COL4A3: variants seen among roughly 807,000 people sequenced by gnomAD.
COL4A3 encodes the protein collagen type IV alpha 3 chain.
COL4A3 carries 135 observed loss-of-function variants against 217.4 expected under a neutral mutation model. The ratio of observed to expected loss-of-function variants is 0.62; its 90% CI spans 0.54 to 0.72. The LOEUF is 0.72. Ranked by LOEUF, COL4A3 falls within the 30% of genes least tolerant of loss-of-function variation. COL4A3 has a pLI of 0.00. For missense variants in COL4A3, 1,868 were observed against 2,119.9 expected (o/e 0.88, Z 2.33); for synonymous variants, 690 against 736.3 (o/e 0.94, Z 1.02).
intron 1 of COL4A3, among the ~76,000 whole-genome samples, chr2:227,186,372 G>A (rs1423570955): frequency 6.6e-6 from 1 of 152,152 alleles, no homozygotes; most frequent in East Asian, 1.9e-4. Flanking sequence ...TGTCCCACTG[G>A]GAATTAAGGG....
chr2:227,307,806 G>A lies in COL4A3; in HGVS notation c.4349G>A (p.Arg1450Gln), dbSNP rs746450762. ...TWTTRGFVFTRHSQTTAIPSC... is the reference protein window; with the variant it reads ...TWTTRGFVFTQHSQTTAIPSC... ...ACAACGAGAGGCTTTGTCTTCACCC[G>A]ACACAGTCAAACCACAGCAATTCCT... Residue 1450 changes from arginine (R) to glutamine (Q), a missense_variant, in exon 48 of 52, where the codon CGA becomes CAA. By Grantham distance (43) the Arg-to-Gln change is conservative (BLOSUM62 1). Coordinates refer to ENST00000396578, the MANE Select transcript of COL4A3 (RefSeq NM_000091.5). 5 of 1,613,966 alleles carry A rather than the reference G, an allele frequency of 3.1e-6. No homozygotes were observed. The highest frequency in any genetic ancestry group is 1.7e-5 in the Admixed American group (1 of 59,994).
intron 1 of COL4A3, among the ~76,000 whole-genome samples, chr2:227,210,383 A>AGGTCAGG (rs2067266364): frequency 6.6e-6 from 1 of 152,030 alleles, no homozygotes; most frequent in Non-Finnish European, 1.5e-5. Context: ...CTGAGGTCAG[A>AGGTCAGG]AGTTCAAGAC....
chr2:227,298,000 T>C (rs2073106309), intron 42 of COL4A3, 141 bp downstream of exon 42: 1 of 961,298 alleles, frequency 1.0e-6, no homozygotes, highest in South Asian at 1.4e-5. Context: ...GTGGTTCCCA[T>C]ACCCAGCAGT....
chr2:227,261,443 C>A (rs1255213105), intron 20 of COL4A3, among the ~76,000 whole-genome samples: 2 of 152,236 alleles, frequency 1.3e-5, no homozygotes, highest in African/African-American at 4.8e-5. Flanking sequence ...AGCAGAATCA[C>A]TTAAACCTGG....
intron 1 of COL4A3, among the ~76,000 whole-genome samples, chr2:227,205,949 A>G (rs2067084742): frequency 1.3e-5 from 2 of 152,210 alleles, no homozygotes; most frequent in African/African-American, 2.4e-5. Flanking sequence ...CTTTAGGGCA[A>G]TGGTTCTCAC....
At chr2:227,298,293 A>G (rs2073122134) in intron 42 of COL4A3, among the ~76,000 whole-genome samples, 1 of 152,232 alleles carries the variant, frequency 6.6e-6, no homozygotes, top group South Asian at 2.1e-4. Flanking sequence ...CAGAGGCTGC[A>G]GTGAGCTGAG....
At chr2:227,168,193 C>G (rs2065344945) in intron 1 of COL4A3, among the ~76,000 whole-genome samples, 1 of 152,004 alleles carries the variant, frequency 6.6e-6, no homozygotes, top group Admixed American at 6.5e-5. Flanking sequence ...GTATATGCAC[C>G]ACTGTGACAA....
intron 3 of COL4A3, among the ~76,000 whole-genome samples, chr2:227,243,027 G>C (rs1038003875): frequency 6.6e-6 from 1 of 152,142 alleles, no homozygotes; most frequent in African/African-American, 2.4e-5. Context: ...TTGGTAGAAC[G>C]AGTTTGCCAC....
At position 227,218,080 on chromosome 2, in the gene COL4A3, C is replaced by CTATATATATATATA. The variant is rs10606625; in HGVS notation, c.88-19879_88-19866dup. Among the ~76,000 whole-genome samples the CTATATATATATATA allele has an allele frequency of 1.2e-3, 141 of 118,348 alleles. 2 individuals carry two copies. Among genetic ancestry groups the CTATATATATATATA allele is most frequent in the Admixed American group, 2.6e-3 (29 of 11,100 alleles). 77.6% of individuals were successfully genotyped at this position (118,348 alleles called of 152,430 possible). A position where few individuals can be genotyped will look rare whatever the true frequency, so the allele number is the denominator to read the frequency against. On this transcript the variant is annotated intron_variant, in intron 1 of 51. Coordinates refer to ENST00000396578, the MANE Select transcript of COL4A3 (RefSeq NM_000091.5). Reference sequence around the variant, plus strand: ...ATATATAAAATAACTATATATATAGCTATATATATATATATATATATAGTT... The same window carrying CTATATATATATATA: ...ATATATAAAATAACTATATATATAGCTATATATATATATATATATATATATATATATATATAGTT...
At chr2:227,283,557 A>C (rs543091097) in intron 32 of COL4A3, among the ~76,000 whole-genome samples, 1 of 152,340 alleles carries the variant, frequency 6.6e-6, no homozygotes, top group African/African-American at 2.4e-5. Flanking sequence ...CATGAATATG[A>C]TTTGCTACCA....
At position 227,184,602 on chromosome 2, in the gene COL4A3, T is replaced by G. The variant is rs188467558; in HGVS notation, c.87+19789T>G. ...ACTTCCAAGTCTTTCTTTATTAATA[T>G]ATCCTTTTACTTTTTGGGGATCACG... is the stretch of plus-strand genomic sequence containing the variant. On this transcript the variant is annotated intron_variant, in intron 1 of 51. Transcript: ENST00000396578. Among the ~76,000 whole-genome samples, 6 of 152,324 alleles carry G rather than the reference T, an allele frequency of 3.9e-5. No homozygotes were observed. The East Asian group carries it at 1.2e-3, about 29-fold the overall frequency.
At chr2:227,237,916 G>A (rs879186330) in intron 1 of COL4A3, 52 bp from the exon 2 acceptor site, 1 of 1,349,300 alleles carries the variant, frequency 7.4e-7, no homozygotes, top group South Asian at 1.2e-5. Context: ...CTGCCGGTTG[G>A]GATTTATTCA....
intron 1 of COL4A3, among the ~76,000 whole-genome samples, chr2:227,172,135 C>T (rs905307833): frequency 3.3e-5 from 5 of 152,202 alleles, no homozygotes; most frequent in African/African-American, 9.7e-5. Flanking sequence ...CATGCTTGAG[C>T]CCACTCTCCC....
intron 1 of COL4A3, among the ~76,000 whole-genome samples, chr2:227,183,017 A>G (rs978761295): frequency 1.3e-5 from 2 of 152,216 alleles, no homozygotes; most frequent in Non-Finnish European, 2.9e-5. Flanking sequence ...GCTTCCCCTA[A>G]GTCAGACTTG....
At position 227,277,573 on chromosome 2, in the gene COL4A3, A is replaced by G. The variant is rs770696226; in HGVS notation, c.2125+20A>G. 1.3e-6 allele frequency: 2 copies of G among 1,481,926 alleles called. No homozygotes were observed. Among genetic ancestry groups the G allele is most frequent in the African/African-American group, 2.8e-5 (2 of 72,616 alleles). 91.8% of individuals were successfully genotyped at this position (1,481,926 alleles called of 1,614,324 possible). On this transcript the variant is annotated intron_variant, in intron 28 of 51. Coordinates refer to ENST00000396578, the MANE Select transcript of COL4A3 (RefSeq NM_000091.5). ...CTAAGGGTAAATTTAAAATTTTTTC[A>G]AACATAAAGTTTGTTGTGGATATTT... is the stretch of plus-strand genomic sequence containing the variant.
intron 1 of COL4A3, among the ~76,000 whole-genome samples, chr2:227,182,240 T>C (rs1423438426): frequency 6.6e-6 from 1 of 152,220 alleles, no homozygotes; most frequent in African/African-American, 2.4e-5. Flanking sequence ...GTTTGATAGA[T>C]TTAAAGCCTC....
intron 46 of COL4A3, chr2:227,304,455 A>G (rs1303733994): frequency 5.7e-6 from 2 of 348,988 alleles, no homozygotes; most frequent in Non-Finnish European, 1.1e-5. Context: ...TCGGGGCTCT[A>G]TTTCTAAATG....
chr2:227,280,207 A>G (rs1206102839), intron 29 of COL4A3, among the ~76,000 whole-genome samples: 2 of 152,234 alleles, frequency 1.3e-5, no homozygotes, highest in Non-Finnish European at 2.9e-5. Flanking sequence ...AAAAACATCT[A>G]GATTTTTCTC....
chr2:227,181,168 T>C (rs1264006630), intron 1 of COL4A3, among the ~76,000 whole-genome samples: 1 of 152,188 alleles, frequency 6.6e-6, no homozygotes, highest in Non-Finnish European at 1.5e-5. Context: ...CTGGGTAACA[T>C]TTAATATTAA....
Sources: allele counts gnomAD v4.1 joint callset (sites outside exome capture counted in the v4.1 genomes callset), GRCh38; gene constraint gnomAD v4.1.1; transcripts MANE v1.5; gene names NCBI Gene and HGNC (gene_info 2026-07-23, HGNC 2026-07-21).